Variants in PPP2R2B observed in about 807,000 individuals in gnomAD.
PPP2R2B encodes serine/threonine-protein phosphatase 2A 55 kDa regulatory subunit B beta isoform.
In PPP2R2B, 5 loss-of-function variants were observed where a neutral mutation model predicts 46.0. The ratio of observed to expected loss-of-function variants is 0.11; its 90% CI spans 0.06 to 0.23. PPP2R2B has a LOEUF of 0.23. Among genes scored for constraint, PPP2R2B ranks in the 10% least tolerant of loss-of-function variants. The probability of loss-of-function intolerance (pLI) is 1.00; values close to 1 mark genes in which losing one functional copy is unlikely to be tolerated. For missense variants in PPP2R2B, 367 were observed against 575.0 expected, an observed-to-expected ratio of 0.64 and a Z score of 3.70; for synonymous variants, 215 against 206.7, an observed-to-expected ratio of 1.04 and a Z score of -0.34.
chr5:147,072,925 T>C (rs1429800481), intron 2 of PPP2R2B, among the ~76,000 whole-genome samples: 3 of 152,200 alleles, frequency 2.0e-5, no homozygotes, highest in African/African-American at 2.4e-5. Context: ...TAGCCAGTCT[T>C]ACTCTAGCAA....
At chr5:146,632,601 G>C (rs185190835) in intron 7 of PPP2R2B, among the ~76,000 whole-genome samples, 1 of 151,460 alleles carries the variant, frequency 6.6e-6, no homozygotes, top group Admixed American at 6.6e-5. Context: ...CAGTCAGCAA[G>C]ACAGAGGCTA....
At chr5:146,820,894 C>A (rs1758215682) in intron 2 of PPP2R2B, among the ~76,000 whole-genome samples, 1 of 152,154 alleles carries the variant, frequency 6.6e-6, no homozygotes, top group African/African-American at 2.4e-5. Flanking sequence ...CCTACTAATT[C>A]TATCTCAAAA....
chr5:146,874,575 T>A (rs1376731379), intron 2 of PPP2R2B, among the ~76,000 whole-genome samples: 1 of 152,234 alleles, frequency 6.6e-6, no homozygotes, highest in African/African-American at 2.4e-5. Context: ...CTATTGTTAT[T>A]CCCACTTTCC....
chr5:146,864,814 C>T (rs1163260991), intron 2 of PPP2R2B, among the ~76,000 whole-genome samples: 1 of 152,108 alleles, frequency 6.6e-6, no homozygotes, highest in Admixed American at 6.5e-5. Flanking sequence ...GATCTTCACC[C>T]CACATAAGTT....
chr5:146,985,494 T>C (rs1334670143), intron 1 of PPP2R2B, among the ~76,000 whole-genome samples: 3 of 152,366 alleles, frequency 2.0e-5, no homozygotes, highest in South Asian at 2.1e-4. Context: ...CAATGTCATG[T>C]AGTTTTTCTC....
At chr5:147,032,992 G>A (rs1021076440) in intron 1 of PPP2R2B, among the ~76,000 whole-genome samples, 3 of 152,126 alleles carry the variant, frequency 2.0e-5, no homozygotes, top group African/African-American at 7.2e-5. Context: ...CAGCAGTGTA[G>A]AAGTGTTCCC....
intron 2 of PPP2R2B, among the ~76,000 whole-genome samples, chr5:147,067,412 G>A (rs1757446088): frequency 6.6e-6 from 1 of 152,000 alleles, no homozygotes; most frequent in Non-Finnish European, 1.5e-5. Context: ...TCTGGTATTT[G>A]CCTTTCTGTG....
intron 6 of PPP2R2B, 97 bp from the exon 7 acceptor site, chr5:146,638,512 T>C (rs1774971217): frequency 1.7e-6 from 2 of 1,152,570 alleles, no homozygotes; most frequent in Admixed American, 4.8e-5. Flanking sequence ...TAGTAAAATA[T>C]GTCAACATTT....
At chr5:146,739,785 C>T (rs1752756569) in intron 2 of PPP2R2B, among the ~76,000 whole-genome samples, 1 of 152,144 alleles carries the variant, frequency 6.6e-6, no homozygotes, top group South Asian at 2.1e-4. Context: ...AACAAGGGCT[C>T]CTATGTTTCT....
chr5:146,827,943 A>G (rs914798197), intron 2 of PPP2R2B, among the ~76,000 whole-genome samples: 1 of 152,112 alleles, frequency 6.6e-6, no homozygotes, highest in African/African-American at 2.4e-5. Flanking sequence ...TGAGAAAGAG[A>G]GCAATCTCTG....
intron 2 of PPP2R2B, among the ~76,000 whole-genome samples, chr5:146,831,836 A>G (rs1758960507): frequency 6.6e-6 from 1 of 152,200 alleles, no homozygotes; most frequent in Non-Finnish European, 1.5e-5. Context: ...TTCAGGAGGT[A>G]TTCCAGAGGA....
intron 2 of PPP2R2B, among the ~76,000 whole-genome samples, chr5:146,728,058 A>G (rs558404640): frequency 6.6e-5 from 10 of 151,614 alleles, no homozygotes; most frequent in Non-Finnish European, 1.5e-4. Context: ...AAGCATGTAT[A>G]ATTTTAAATA....
At chr5:146,826,379 A>G (rs77249359) in intron 2 of PPP2R2B, among the ~76,000 whole-genome samples, 1 of 152,190 alleles carries the variant, frequency 6.6e-6, no homozygotes, top group African/African-American at 2.4e-5. Flanking sequence ...CTTATTCTGA[A>G]GTAGAACCTT....
At chr5:146,795,317 A>T (rs1380996628) in intron 2 of PPP2R2B, among the ~76,000 whole-genome samples, 1 of 152,162 alleles carries the variant, frequency 6.6e-6, no homozygotes, top group East Asian at 1.9e-4. Context: ...TTAATTAATA[A>T]AGAAAATGTG....
At position 146,588,107 on chromosome 5, in the gene PPP2R2B, C is replaced by G. The variant is rs1043660426; in HGVS notation, c.*1840G>C. On this transcript the variant is annotated 3_prime_UTR_variant, in exon 10 of 10. Transcript: ENST00000394411. ...TCCCAGTCAGGACAGAAATCTTGCC[C>G]AGAGAGTTTACACCTTAGCCACTTT... 20 of 82,224 alleles carry G rather than the reference C, an allele frequency of 2.4e-4. No individual in the cohort carries two copies. The highest frequency in any genetic ancestry group is 7.4e-4 in the African/African-American group (20 of 27,194). 5.1% of individuals were successfully genotyped at this position (82,224 alleles called of 1,614,324 possible).
At chr5:146,618,450 A>G (rs1465092917) in intron 7 of PPP2R2B, among the ~76,000 whole-genome samples, 1 of 152,182 alleles carries the variant, frequency 6.6e-6, no homozygotes, top group East Asian at 1.9e-4. Context: ...ACGTTAATCA[A>G]TTTGTGTTAT....
intron 1 of PPP2R2B, among the ~76,000 whole-genome samples, chr5:146,941,534 T>TC: frequency 6.6e-6 from 1 of 152,168 alleles, no homozygotes. Context: ...CAGAACCACA[T>TC]CAGCATTTAT....
intron 3 of PPP2R2B, 36 bp from the exon 4 acceptor site, chr5:146,698,180 T>A (rs1254051566): frequency 6.6e-7 from 1 of 1,526,586 alleles, no homozygotes; most frequent in South Asian, 1.3e-5. Context: ...ACAGATTAAA[T>A]CACAGTAGCC....
intron 2 of PPP2R2B, among the ~76,000 whole-genome samples, chr5:147,061,689 A>G (rs948349644): frequency 1.3e-5 from 2 of 152,118 alleles, no homozygotes; most frequent in East Asian, 3.9e-4. Flanking sequence ...AGCTACAGAT[A>G]AGACTGAAGA....
Sources: gnomAD v4.1 joint callset for allele counts (sites outside exome capture counted in the v4.1 genomes callset) on GRCh38, gnomAD v4.1.1 for gene constraint, MANE v1.5 for transcripts, NCBI Gene and HGNC (gene_info 2026-07-23, HGNC 2026-07-21) for gene names.